ALK: variants seen among roughly 807,000 people sequenced by gnomAD.
The protein encoded by ALK is ALK receptor tyrosine kinase.
Under a neutral mutation model 163.1 loss-of-function variants are expected in ALK, and 74 were observed. The ratio of observed to expected loss-of-function variants is 0.45; its 90% confidence interval spans 0.38 to 0.55. The LOEUF (loss-of-function observed/expected upper bound fraction) is 0.55, where lower values mean the gene tolerates loss of function less well. Among genes scored for constraint, ALK ranks in the 20% least tolerant of loss-of-function variants. The pLI is 0.00. For synonymous variants in ALK, 960 were observed against 843.2 expected (o/e 1.14, Z -2.40); for missense variants, 2,063 against 2,105.3 (o/e 0.98, Z 0.39).
intron 3 of ALK, among the ~76,000 whole-genome samples, chr2:29,627,670 G>A (rs771505681): frequency 2.0e-5 from 3 of 152,234 alleles, no homozygotes; most frequent in African/African-American, 4.8e-5. Context: ...TCTTGAAGGG[G>A]AGATGGGGGT....
chr2:29,830,713 TAAAAAAAA>T (rs530774574), intron 1 of ALK, among the ~76,000 whole-genome samples: 68 of 28,968 alleles, frequency 2.3e-3, no homozygotes, highest in African/African-American at 7.0e-3. Flanking sequence ...TAAAATAGTT[TAAAAAAAA>T]AAAAAAAAAA....
rs532384647 is a variant in ALK at position 29,426,805 on chromosome 2, C to G, written c.1155-42946G>C. 3.3e-5 allele frequency among the ~76,000 whole-genome samples: 5 copies of G among 151,896 alleles called. No individual in the cohort carries two copies. In the South Asian group the frequency reaches 1.0e-3, roughly 32 times the overall value. On this transcript the variant is annotated intron_variant, in intron 4 of 28. Transcript: ENST00000389048. Reference sequence around the variant, plus strand: ...CTGTAATCCCAGCACTTTGGGAGGCCGAGGTGGGTAGATCACAAATTCAAG... The same window carrying G: ...CTGTAATCCCAGCACTTTGGGAGGCGGAGGTGGGTAGATCACAAATTCAAG...
At chr2:29,391,435 G>C (rs1669169505) in intron 4 of ALK, among the ~76,000 whole-genome samples, 1 of 151,988 alleles carries the variant, frequency 6.6e-6, no homozygotes, top group East Asian at 1.9e-4. Context: ...CAAGTAGCTG[G>C]GATTATAGGT....
At chr2:29,596,307 G>A (rs1675212655) in intron 3 of ALK, among the ~76,000 whole-genome samples, 1 of 152,224 alleles carries the variant, frequency 6.6e-6, no homozygotes, top group South Asian at 2.1e-4. Flanking sequence ...AAATGACTCT[G>A]GGGTTCACAG....
intron 3 of ALK, among the ~76,000 whole-genome samples, chr2:29,603,592 T>G (rs1250917449): frequency 6.6e-6 from 1 of 151,690 alleles, no homozygotes; most frequent in Non-Finnish European, 1.5e-5. Context: ...TCTGAACTAG[T>G]TTTTTTTAGG....
Position 29,919,997 on chromosome 2 carries a change from C to G in ALK, c.663G>C (p.Gly221=), listed in dbSNP as rs762819109. 2.5e-6 allele frequency: 4 copies of G among 1,613,612 alleles called. No individual in the cohort carries two copies. The highest frequency in any genetic ancestry group is 2.5e-6 in the Non-Finnish European group (3 of 1,179,780). The stretch of plus-strand genomic sequence containing the variant: ...ACTCAGGCGGGAGCTGCTCACCAGT[C>G]CCGAAGATCTGGAAGAGAAGGCGGG... ...SQPRLLFQIF[G]TGHSSLESPT... Residue 221 remains glycine, a synonymous_variant, in exon 1 of 29, where the codon GGG becomes GGC. Coordinates refer to ENST00000389048, the MANE Select transcript of ALK (RefSeq NM_004304.5).
At chr2:29,530,920 T>C (rs1014498384) in intron 4 of ALK, among the ~76,000 whole-genome samples, 9 of 152,228 alleles carry the variant, frequency 5.9e-5, no homozygotes, top group African/African-American at 2.2e-4. Context: ...CAGCTTGTAG[T>C]CCTTCTAAGT....
At chr2:29,417,122 G>A (rs1319130379) in intron 4 of ALK, among the ~76,000 whole-genome samples, 1 of 151,314 alleles carries the variant, frequency 6.6e-6, no homozygotes, top group East Asian at 2.0e-4. Flanking sequence ...CGGGTAGCTG[G>A]GACTACAGGT....
intron 4 of ALK, among the ~76,000 whole-genome samples, chr2:29,438,006 G>T (rs186883017): frequency 9.9e-5 from 15 of 152,074 alleles, no homozygotes; most frequent in African/African-American, 3.4e-4. Flanking sequence ...TCCAGATTAG[G>T]AATTTGCTGC....
At chr2:29,407,709 A>G (rs1669619199) in intron 4 of ALK, among the ~76,000 whole-genome samples, 1 of 152,128 alleles carries the variant, frequency 6.6e-6, no homozygotes, top group Non-Finnish European at 1.5e-5. Context: ...AATTCCCTAC[A>G]CACCCTTTGA....
chr2:29,451,414 C>T (rs1230788929), intron 4 of ALK, among the ~76,000 whole-genome samples: 1 of 152,176 alleles, frequency 6.6e-6, no homozygotes, highest in Non-Finnish European at 1.5e-5. Context: ...GGCTCCAAGG[C>T]CCTTCACACT....
intron 1 of ALK, among the ~76,000 whole-genome samples, chr2:29,866,734 T>TA (rs941105001): frequency 6.6e-6 from 1 of 152,198 alleles, no homozygotes; most frequent in African/African-American, 2.4e-5. Flanking sequence ...GGTTGAGAGA[T>TA]ACTGAAACAG....
intron 4 of ALK, among the ~76,000 whole-genome samples, chr2:29,396,481 C>A (rs1364054373): frequency 1.3e-5 from 2 of 152,146 alleles, no homozygotes; most frequent in African/African-American, 4.8e-5. Flanking sequence ...CGAGACCAGC[C>A]TGACCAACAT....
At chr2:29,912,693 A>T (rs894581796) in intron 1 of ALK, among the ~76,000 whole-genome samples, 1 of 151,936 alleles carries the variant, frequency 6.6e-6, no homozygotes, top group South Asian at 2.1e-4. Context: ...ATATATATAT[A>T]TTTTATTTAT....
At chr2:29,516,518 C>T (rs963998235) in intron 4 of ALK, among the ~76,000 whole-genome samples, 1 of 152,168 alleles carries the variant, frequency 6.6e-6, no homozygotes, top group Admixed American at 6.5e-5. Flanking sequence ...CCCTGTGCAT[C>T]TGGCATGTCA....
intron 1 of ALK, among the ~76,000 whole-genome samples, chr2:29,724,548 G>A (rs776380477): frequency 6.6e-6 from 1 of 152,122 alleles, no homozygotes; most frequent in African/African-American, 2.4e-5. Flanking sequence ...TAGAGTTAGC[G>A]GTGATGGGCG....
At chr2:29,215,403 T>C (rs1309621623) in intron 23 of ALK, among the ~76,000 whole-genome samples, 1 of 152,134 alleles carries the variant, frequency 6.6e-6, no homozygotes, top group Non-Finnish European at 1.5e-5. Flanking sequence ...CGTGCTTCAG[T>C]TCTTGGGGAG....
chr2:29,541,577 C>CTGT, intron 3 of ALK, among the ~76,000 whole-genome samples: 1 of 152,184 alleles, frequency 6.6e-6, no homozygotes, highest in Non-Finnish European at 1.5e-5. Context: ...AGGTGTGAGC[C>CTGT]ACCACACATG....
chr2:29,624,768 C>G (rs948925992), intron 3 of ALK, among the ~76,000 whole-genome samples: 5 of 152,088 alleles, frequency 3.3e-5, no homozygotes, highest in Non-Finnish European at 7.4e-5. Flanking sequence ...AAAGTGAAAA[C>G]AAAAACAAAC....
Sources: gnomAD v4.1 joint callset for allele counts (sites outside exome capture counted in the v4.1 genomes callset) on GRCh38, gnomAD v4.1.1 for gene constraint, MANE v1.5 for transcripts, NCBI Gene and HGNC (gene_info 2026-07-23, HGNC 2026-07-21) for gene names.